Variants in RAB38 observed in about 807,000 individuals in gnomAD.
RAB38 encodes the protein ras-related protein Rab-38.
In RAB38, 15 loss-of-function variants were observed where a neutral mutation model predicts 18.4. The ratio of observed to expected loss-of-function variants is 0.82; its 90% CI spans 0.55 to 1.26. RAB38 has a LOEUF of 1.26. RAB38 is among the 50% of genes most tolerant of loss of function. The probability of loss-of-function intolerance (pLI) is 0.00; values close to 1 mark genes in which losing one functional copy is unlikely to be tolerated. For missense variants in RAB38, 294 were observed against 267.4 expected, an observed-to-expected ratio of 1.10 and a Z score of -0.69; for synonymous variants, 101 against 104.4, an observed-to-expected ratio of 0.97 and a Z score of 0.20.
At chr11:88,152,833 A>G (rs1021859493) in intron 1 of RAB38, among the ~76,000 whole-genome samples, 1 of 152,236 alleles carries the variant, frequency 6.6e-6, no homozygotes, top group African/African-American at 2.4e-5. Flanking sequence ...TGGAATAGCT[A>G]ATGTGGCTAA....
the RAB38 span, among the ~76,000 whole-genome samples, chr11:87,900,464 C>G: frequency 1.3e-5 from 2 of 151,624 alleles, no homozygotes; most frequent in South Asian, 2.1e-4. Context: ...GCAGATGCAA[C>G]AAATTAACAA....
the RAB38 span, among the ~76,000 whole-genome samples, chr11:88,039,521 C>T: frequency 6.6e-6 from 1 of 152,040 alleles, no homozygotes; most frequent in African/African-American, 2.4e-5. Context: ...TGCACAGGGA[C>T]TTAGGAGCCT....
the RAB38 span, among the ~76,000 whole-genome samples, chr11:87,816,739 T>C: frequency 6.6e-6 from 1 of 152,108 alleles, no homozygotes; most frequent in African/African-American, 2.4e-5. Context: ...CTGTATCCTA[T>C]AGACTTTATT....
chr11:88,110,966 C>T (rs922967572), downstream of RAB38, among the ~76,000 whole-genome samples: 2 of 152,038 alleles, frequency 1.3e-5, no homozygotes, highest in Admixed American at 1.3e-4. Context: ...TGAGGTGAAA[C>T]CCTGTCTCTA....
At chr11:87,852,090 T>A in the RAB38 span, among the ~76,000 whole-genome samples, 3 of 146,440 alleles carry the variant, frequency 2.0e-5, no homozygotes, top group Non-Finnish European at 4.5e-5. Flanking sequence ...GAGAACTTAG[T>A]AGGGTCTTTT....
At chr11:88,052,894 A>T in the RAB38 span, among the ~76,000 whole-genome samples, 851 of 89,822 alleles carry the variant, frequency 9.5e-3, 22 homozygotes, top group African/African-American at 0.032. Flanking sequence ...GCAGAAGGAA[A>T]AAATTTCATA....
the RAB38 span, among the ~76,000 whole-genome samples, chr11:88,030,522 C>T: frequency 8.7e-4 from 133 of 152,010 alleles, no homozygotes; most frequent in East Asian, 0.02. Context: ...ATCAAATAGA[C>T]GCAATAAAAA....
At chr11:87,914,807 C>T in the RAB38 span, among the ~76,000 whole-genome samples, 1 of 152,172 alleles carries the variant, frequency 6.6e-6, no homozygotes, top group Admixed American at 6.5e-5. Context: ...TTCTTGCATC[C>T]TAGCTGCTCT....
chr11:87,951,626 C>T, the RAB38 span, among the ~76,000 whole-genome samples: 13 of 152,060 alleles, frequency 8.5e-5, no homozygotes, highest in Admixed American at 1.3e-4. Context: ...GACAGGACCC[C>T]CAGCTGCAGG....
chr11:87,928,658 A>T, the RAB38 span, among the ~76,000 whole-genome samples: 1 of 152,208 alleles, frequency 6.6e-6, no homozygotes, highest in African/African-American at 2.4e-5. Flanking sequence ...AAACATAAAA[A>T]TGAGAAGGAT....
chr11:88,076,342 G>A, the RAB38 span, among the ~76,000 whole-genome samples: 1 of 151,996 alleles, frequency 6.6e-6, no homozygotes, highest in East Asian at 1.9e-4. Flanking sequence ...AAATTTAATG[G>A]CATTTCCTCT....
chr11:87,966,357 A>G, the RAB38 span, among the ~76,000 whole-genome samples: 1 of 152,180 alleles, frequency 6.6e-6, no homozygotes, highest in Non-Finnish European at 1.5e-5. Context: ...CACTAGACAC[A>G]GCCCATACTC....
chr11:87,972,649 T>C, the RAB38 span, among the ~76,000 whole-genome samples: 21 of 152,234 alleles, frequency 1.4e-4, no homozygotes, highest in Admixed American at 4.6e-4. Context: ...TGGTGAATTA[T>C]ATCACTGAAC....
the RAB38 span, among the ~76,000 whole-genome samples, chr11:87,977,749 A>G: frequency 7.5e-4 from 1 of 1,342 alleles, no homozygotes; most frequent in Non-Finnish European, 1.2e-3. Flanking sequence ...ATATTCTATA[A>G]TATATATATA....
chr11:88,020,325 T>C, the RAB38 span, among the ~76,000 whole-genome samples: 1 of 152,122 alleles, frequency 6.6e-6, no homozygotes, highest in African/African-American at 2.4e-5. Flanking sequence ...ACAAAATAGA[T>C]TTCCAGACAA....
chr11:88,070,310 G>T, the RAB38 span, among the ~76,000 whole-genome samples: 1 of 152,178 alleles, frequency 6.6e-6, no homozygotes, highest in African/African-American at 2.4e-5. Flanking sequence ...CTTCACTCCT[G>T]AAGTCAGCGA....
chr11:87,949,322 G>A, the RAB38 span, among the ~76,000 whole-genome samples: 3 of 151,898 alleles, frequency 2.0e-5, no homozygotes, highest in Non-Finnish European at 2.9e-5. Context: ...CAGTTTTGTT[G>A]ATCCTTTCAA....
chr11:87,958,334 G>C, the RAB38 span, among the ~76,000 whole-genome samples: 3 of 151,994 alleles, frequency 2.0e-5, no homozygotes, highest in Admixed American at 1.3e-4. Flanking sequence ...ACATATGATG[G>C]GTTTATCTAG....
the RAB38 span, among the ~76,000 whole-genome samples, chr11:87,881,973 T>C: frequency 2.6e-5 from 4 of 151,812 alleles, no homozygotes; most frequent in Non-Finnish European, 5.9e-5. Flanking sequence ...CCTGCCACAG[T>C]TATACATTGT....
Sources: allele counts gnomAD v4.1 joint callset (sites outside exome capture counted in the v4.1 genomes callset), GRCh38; gene constraint gnomAD v4.1.1; transcripts MANE v1.5; gene names NCBI Gene and HGNC (gene_info 2026-07-23, HGNC 2026-07-21).